The following CHST8 variants were observed in gnomAD, a reference collection of about 807,000 sequenced individuals.
CHST8 encodes the protein carbohydrate sulfotransferase 8.
CHST8 carries 10 observed loss-of-function variants against 15.0 expected under a neutral mutation model. That is an observed-to-expected ratio of 0.67 (90% CI 0.41 to 1.13). CHST8 has a LOEUF of 1.13. Among genes scored for constraint, CHST8 ranks in the 50% most tolerant of loss-of-function variants. The probability of loss-of-function intolerance (pLI) is 0.00; values close to 1 mark genes in which losing one functional copy is unlikely to be tolerated. For missense variants in CHST8, 634 were observed against 608.2 expected (o/e 1.04, Z -0.45); for synonymous variants, 259 against 256.6 (o/e 1.01, Z -0.09).
intron 1 of CHST8, among the ~76,000 whole-genome samples, chr19:33,657,155 ACAAACACACATATACT>A (rs1972519129): frequency 1.4e-5 from 2 of 147,030 alleles, no homozygotes; most frequent in African/African-American, 5.4e-5. Context: ...ACACACACAC[ACAAACACACATATACT>A]TATACACACA....
rs1456165525 is a variant in CHST8 at position 33,712,424 on chromosome 19, G to T, written c.130+23033G>T. 2.0e-5 allele frequency among the ~76,000 whole-genome samples: 3 copies of T among 152,284 alleles called. No homozygotes were observed. The East Asian group carries it at 5.8e-4, about 29-fold the overall frequency. Reference sequence around the variant, plus strand: ...GGCTTTGTAGTATCAAGAAGGTGAGGTGACCCCTGGTTGCTGTGGGAGGAT... The same window carrying T: ...GGCTTTGTAGTATCAAGAAGGTGAGTTGACCCCTGGTTGCTGTGGGAGGAT... On this transcript the variant is annotated intron_variant, in intron 3 of 4. Transcript: ENST00000650847.
At chr19:33,713,653 A>C (rs8109680) in intron 3 of CHST8, among the ~76,000 whole-genome samples, 43,246 of 151,698 alleles carry the variant, frequency 0.29, 8,027 homozygotes, top group African/African-American at 0.54. Flanking sequence ...GCAACCTCCA[A>C]CTCCCAGGTT....
At chr19:33,731,416 C>T (rs957566340) in intron 3 of CHST8, among the ~76,000 whole-genome samples, 8 of 152,140 alleles carry the variant, frequency 5.3e-5, no homozygotes, top group Admixed American at 2.6e-4. Flanking sequence ...TAAACTGTCA[C>T]GGCACTGGTG....
At chr19:33,712,685 A>G (rs1973579771) in intron 3 of CHST8, among the ~76,000 whole-genome samples, 1 of 152,188 alleles carries the variant, frequency 6.6e-6, no homozygotes, top group Non-Finnish European at 1.5e-5. Context: ...CTTGCACTGC[A>G]GCGGCAGACT....
chr19:33,689,146 G>A (rs1311106816), intron 2 of CHST8, 30 bp from the exon 3 acceptor site: 26 of 1,317,572 alleles, frequency 2.0e-5, no homozygotes, highest in South Asian at 8.6e-5. Context: ...CTCGCGCCTC[G>A]GTGATGACTA....
At chr19:33,755,610 C>T (rs529811589) in intron 3 of CHST8, among the ~76,000 whole-genome samples, 16 of 152,348 alleles carry the variant, frequency 1.1e-4, no homozygotes, top group Middle Eastern at 3.4e-3. Context: ...GTTTGTTTCC[C>T]GGAATAGCAC....
At chr19:33,709,410 G>GA (rs150765405) in intron 3 of CHST8, among the ~76,000 whole-genome samples, 7,124 of 151,398 alleles carry the variant, frequency 0.047, 194 homozygotes, top group East Asian at 0.1. Flanking sequence ...TAGTTTATTA[G>GA]AAAAAAAAAT....
chr19:33,636,550 G>C (rs1267182270), intron 1 of CHST8, among the ~76,000 whole-genome samples: 1 of 152,168 alleles, frequency 6.6e-6, no homozygotes, highest in African/African-American at 2.4e-5. Context: ...GAGGGTTCTT[G>C]GGTCTCGCAC....
chr19:33,703,302 T>C (rs575118706), intron 3 of CHST8, among the ~76,000 whole-genome samples: 61 of 152,092 alleles, frequency 4.0e-4, no homozygotes, highest in African/African-American at 1.3e-3. Flanking sequence ...CCCGGTGGGG[T>C]CCCACCGTGT....
At chr19:33,747,933 G>A (rs1974344959) in intron 3 of CHST8, among the ~76,000 whole-genome samples, 1 of 152,040 alleles carries the variant, frequency 6.6e-6, no homozygotes, top group Non-Finnish European at 1.5e-5. Context: ...TTGCCCGCTG[G>A]GTATGATGAC....
At chr19:33,651,090 A>G (rs1223387462) in intron 1 of CHST8, among the ~76,000 whole-genome samples, 2 of 152,116 alleles carry the variant, frequency 1.3e-5, no homozygotes, top group African/African-American at 4.8e-5. Context: ...GCAGTACAAA[A>G]GTTTTCAATT....
At chr19:33,622,954 G>T (rs1308834050) in intron 1 of CHST8, among the ~76,000 whole-genome samples, 2 of 152,152 alleles carry the variant, frequency 1.3e-5, no homozygotes, top group Non-Finnish European at 2.9e-5. Flanking sequence ...GCGGGGAAAT[G>T]ATCCGTTTGG....
At chr19:33,733,481 C>T (rs1048029775) in intron 3 of CHST8, among the ~76,000 whole-genome samples, 4 of 152,116 alleles carry the variant, frequency 2.6e-5, no homozygotes, top group East Asian at 3.9e-4. Flanking sequence ...GTAATCTACC[C>T]GCCTTGGCCT....
At chr19:33,763,145 A>G (rs1001500168) in intron 3 of CHST8, among the ~76,000 whole-genome samples, 3 of 152,172 alleles carry the variant, frequency 2.0e-5, no homozygotes, top group African/African-American at 7.2e-5. Flanking sequence ...AGTGTAAGCC[A>G]CCACGCCTGG....
Position 33,689,188 on chromosome 19 carries a change from T to C in CHST8, c.-74T>C. ...CTCTGCCCCGTAGATCTCGGCCTGATGGACGCCTGGTGTGGACGATGAGGG... is the reference window on the plus strand; with the variant it reads ...CTCTGCCCCGTAGATCTCGGCCTGACGGACGCCTGGTGTGGACGATGAGGG... On this transcript the variant is annotated 5_prime_UTR_variant, in exon 3 of 5. An upstream start codon of the reference 5' UTR is lost. Coordinates refer to ENST00000650847, the MANE Select transcript of CHST8 (RefSeq NM_001127895.2). 8 of 1,451,240 alleles carry C rather than the reference T, an allele frequency of 5.5e-6. No homozygotes were observed. The highest frequency in any genetic ancestry group is 7.3e-6 in the Non-Finnish European group (8 of 1,100,938). 89.9% of individuals were successfully genotyped at this position (1,451,240 alleles called of 1,614,324 possible).
chr19:33,757,735 G>T (rs561054557), intron 3 of CHST8, among the ~76,000 whole-genome samples: 5 of 151,860 alleles, frequency 3.3e-5, no homozygotes, highest in African/African-American at 1.2e-4. Context: ...TTTTTTAAGA[G>T]ATGGGATCTC....
At chr19:33,708,425 C>T (rs1481793899) in intron 3 of CHST8, among the ~76,000 whole-genome samples, 1 of 152,174 alleles carries the variant, frequency 6.6e-6, no homozygotes, top group Non-Finnish European at 1.5e-5. Context: ...TGAGGTCTGA[C>T]TTCTTCTCTT....
At chr19:33,738,415 C>A (rs549731553) in intron 3 of CHST8, among the ~76,000 whole-genome samples, 229 of 152,300 alleles carry the variant, frequency 1.5e-3, no homozygotes, top group Non-Finnish European at 2.6e-3. Context: ...AGGCCCTGGG[C>A]AGAGAGGTAT....
intron 3 of CHST8, among the ~76,000 whole-genome samples, chr19:33,691,967 G>C (rs1393699786): frequency 6.6e-6 from 1 of 152,130 alleles, no homozygotes; most frequent in African/African-American, 2.4e-5. Context: ...GGGAGTGGCG[G>C]GAATTCTGAG....
Sources: gnomAD v4.1 joint callset for allele counts (sites outside exome capture counted in the v4.1 genomes callset) on GRCh38, gnomAD v4.1.1 for gene constraint, MANE v1.5 for transcripts, NCBI Gene and HGNC (gene_info 2026-07-23, HGNC 2026-07-21) for gene names.